Variants in SEL1L2 observed in about 807,000 individuals in gnomAD.
The protein encoded by SEL1L2 is SEL1L2 adaptor subunit of SYVN1 ubiquitin ligase.
A neutral mutation model predicts 98.8 loss-of-function variants in SEL1L2; 89 were observed. The observed-to-expected ratio is 0.90, with a 90% CI of 0.76 to 1.07. The LOEUF (loss-of-function observed/expected upper bound fraction) is 1.07, where lower values mean the gene tolerates loss of function less well. Ranked by LOEUF, SEL1L2 falls within the 50% of genes least tolerant of loss-of-function variation. The pLI is 0.00. For synonymous variants in SEL1L2, 262 were observed against 278.5 expected (o/e 0.94, Z 0.59); for missense variants, 788 against 812.0 (o/e 0.97, Z 0.36).
intron 2 of SEL1L2, among the ~76,000 whole-genome samples, chr20:13,954,462 G>C (rs2050426590): frequency 6.6e-6 from 1 of 152,122 alleles, no homozygotes; most frequent in Non-Finnish European, 1.5e-5. Context: ...CAATGGAATT[G>C]AGTGAGATAT....
chr20:13,920,512 T>A (rs753777305), intron 3 of SEL1L2, among the ~76,000 whole-genome samples: 1 of 152,158 alleles, frequency 6.6e-6, no homozygotes, highest in Non-Finnish European at 1.5e-5. Context: ...CTTAAAGATA[T>A]AAAGATCCTT....
chr20:13,888,635 C>T (rs879242456), intron 5 of SEL1L2, 123 bp from the exon 6 acceptor site: 406 of 205,984 alleles, frequency 2.0e-3, no homozygotes, highest in South Asian at 3.2e-3. Context: ...CTTTCTTTCT[C>T]TTTTTTTTTT....
chr20:13,964,378 A>C (rs2050932608), intron 1 of SEL1L2, among the ~76,000 whole-genome samples: 1 of 143,764 alleles, frequency 7.0e-6, no homozygotes. Context: ...CCACCCCCAA[A>C]TGCAACCTGC....
chr20:13,874,706 C>A (rs1212632712), intron 12 of SEL1L2, among the ~76,000 whole-genome samples: 1 of 152,166 alleles, frequency 6.6e-6, no homozygotes, highest in African/African-American at 2.4e-5. Flanking sequence ...AGAGTACTAG[C>A]CTTCTCAGTA....
At position 13,917,920 on chromosome 20, in the gene SEL1L2, C is replaced by A. The variant is rs190795352; in HGVS notation, c.386+1101G>T. The stretch of plus-strand genomic sequence containing the variant: ...GTTCAAGAAATTCTCCTCCCTCAAC[C>A]TCCCAAATAGTTGGGATTACAGGTG... On this transcript the variant is annotated intron_variant, in intron 4 of 19. Transcript: ENST00000284951. Among the ~76,000 whole-genome samples, 30 of 149,868 alleles carry A rather than the reference C, an allele frequency of 2.0e-4. 1 individual carries two copies. The East Asian group carries it at 5.6e-3, about 28-fold the overall frequency.
intron 1 of SEL1L2, among the ~76,000 whole-genome samples, chr20:13,982,659 A>G (rs190375408): frequency 1.3e-5 from 2 of 152,062 alleles, no homozygotes; most frequent in Admixed American, 1.3e-4. Context: ...GGGAGACAGG[A>G]CCCTGGATGA....
chr20:13,912,278 T>A (rs1025526858), intron 5 of SEL1L2, among the ~76,000 whole-genome samples: 4 of 151,480 alleles, frequency 2.6e-5, no homozygotes, highest in East Asian at 1.9e-4. Context: ...GCATCTGGAC[T>A]TTTTTTCTGT....
intron 15 of SEL1L2, 86 bp downstream of exon 15, chr20:13,866,616 A>G: frequency 9.0e-7 from 1 of 1,111,410 alleles, no homozygotes; most frequent in Non-Finnish European, 1.2e-6. Context: ...TTATAAAATC[A>G]AAGACACCAA....
chr20:13,863,559 TC>T (rs1015515523), intron 17 of SEL1L2, among the ~76,000 whole-genome samples: 1 of 152,128 alleles, frequency 6.6e-6, no homozygotes, highest in African/African-American at 2.4e-5. Context: ...GATTCCCTAG[TC>T]CCAAGTGAGC....
At chr20:13,907,925 G>A (rs147721365) in intron 5 of SEL1L2, among the ~76,000 whole-genome samples, 302 of 149,366 alleles carry the variant, frequency 2.0e-3, no homozygotes, top group Non-Finnish European at 3.5e-3. Flanking sequence ...ATCCCGGCAC[G>A]TGCCAGCACT....
At chr20:13,949,307 G>A (rs1482074394) in intron 2 of SEL1L2, among the ~76,000 whole-genome samples, 5 of 152,096 alleles carry the variant, frequency 3.3e-5, no homozygotes, top group Admixed American at 2.0e-4. Flanking sequence ...CAATCATTAG[G>A]AAAACAAAAA....
chr20:13,896,756 AAG>A (rs1180778282), intron 5 of SEL1L2, among the ~76,000 whole-genome samples: 1 of 152,210 alleles, frequency 6.6e-6, no homozygotes, highest in Non-Finnish European at 1.5e-5. Flanking sequence ...AAATAAATGA[AAG>A]AAGATACAAA....
At chr20:13,896,066 G>A (rs1454662995) in intron 5 of SEL1L2, among the ~76,000 whole-genome samples, 1 of 152,168 alleles carries the variant, frequency 6.6e-6, no homozygotes, top group Non-Finnish European at 1.5e-5. Context: ...TTCCAGTTAT[G>A]CGGGAGGATG....
At chr20:13,985,991 G>A (rs1236214924) in intron 1 of SEL1L2, among the ~76,000 whole-genome samples, 1 of 152,154 alleles carries the variant, frequency 6.6e-6, no homozygotes, top group African/African-American at 2.4e-5. Context: ...TTTTTGCTGA[G>A]TATTCCATTG....
chr20:13,878,580 T>C (rs1364051587), intron 10 of SEL1L2, among the ~76,000 whole-genome samples: 1 of 152,202 alleles, frequency 6.6e-6, no homozygotes, highest in African/African-American at 2.4e-5. Context: ...GAAGAGAATG[T>C]TTAAGGAAGA....
chr20:13,905,474 C>A (rs2047883150), intron 5 of SEL1L2, among the ~76,000 whole-genome samples: 1 of 152,006 alleles, frequency 6.6e-6, no homozygotes, highest in African/African-American at 2.4e-5. Flanking sequence ...CCATGCCCGG[C>A]TAATTTTTTG....
chr20:13,876,404 CTCTTT>C (rs961235461), intron 11 of SEL1L2, among the ~76,000 whole-genome samples: 3 of 117,268 alleles, frequency 2.6e-5, no homozygotes, highest in African/African-American at 6.6e-5. Context: ...CTCTCTCTCT[CTCTTT>C]TTTTTTTTTT....
At chr20:13,973,895 C>T (rs1163894101) in intron 1 of SEL1L2, among the ~76,000 whole-genome samples, 1 of 152,160 alleles carries the variant, frequency 6.6e-6, no homozygotes, top group Non-Finnish European at 1.5e-5. Flanking sequence ...CACACAATTT[C>T]TCAGAGATAT....
At chr20:13,877,751 T>G (rs1470579514) in intron 10 of SEL1L2, among the ~76,000 whole-genome samples, 163 bp from the exon 11 acceptor site, 2 of 152,236 alleles carry the variant, frequency 1.3e-5, no homozygotes, top group Non-Finnish European at 2.9e-5. Context: ...AAGGCACTAT[T>G]CCAACCAAAT....
Sources: gnomAD v4.1 joint callset for allele counts (sites outside exome capture counted in the v4.1 genomes callset) on GRCh38, gnomAD v4.1.1 for gene constraint, MANE v1.5 for transcripts, NCBI Gene and HGNC (gene_info 2026-07-23, HGNC 2026-07-21) for gene names.